The following FSTL4 variants were observed in gnomAD, a reference collection of about 807,000 sequenced individuals.
FSTL4 encodes the protein follistatin-related protein 4.
FSTL4 carries 28 observed loss-of-function variants against 78.2 expected under a neutral mutation model. The ratio of observed to expected loss-of-function variants is 0.36; its 90% confidence interval spans 0.27 to 0.49. The LOEUF is 0.49. FSTL4 is among the 20% of genes least tolerant of loss of function. The probability of loss-of-function intolerance (pLI) is 0.98; values close to 1 mark genes in which losing one functional copy is unlikely to be tolerated. For missense variants in FSTL4, 922 were observed against 1,084.9 expected (o/e 0.85, Z 2.11); for synonymous variants, 422 against 440.5 (o/e 0.96, Z 0.53).
At chr5:133,783,873 C>A in the FSTL4 span, among the ~76,000 whole-genome samples, 1 of 152,016 alleles carries the variant, frequency 6.6e-6, no homozygotes, top group Non-Finnish European at 1.5e-5. Flanking sequence ...TCCACTGCCC[C>A]CGCCCACCCC....
At chr5:133,327,343 A>AT (rs1304531127) in intron 4 of FSTL4, among the ~76,000 whole-genome samples, 1 of 152,178 alleles carries the variant, frequency 6.6e-6, no homozygotes, top group Non-Finnish European at 1.5e-5. Context: ...GGAAAGCTGC[A>AT]TTTTAAGAGT....
chr5:133,420,887 T>C (rs909128384), intron 3 of FSTL4, among the ~76,000 whole-genome samples: 2 of 152,236 alleles, frequency 1.3e-5, no homozygotes. Context: ...TTGTGTTCTA[T>C]ACGAGAAGGG....
intron 14 of FSTL4, among the ~76,000 whole-genome samples, chr5:133,207,102 G>GAGAC (rs1183759834): frequency 7.2e-5 from 11 of 151,950 alleles, no homozygotes; most frequent in African/African-American, 2.7e-4. Flanking sequence ...TTTTTATATG[G>GAGAC]AGACATACTA....
chr5:133,594,969 G>A (rs1426706982), intron 2 of FSTL4, among the ~76,000 whole-genome samples: 1 of 152,178 alleles, frequency 6.6e-6, no homozygotes, highest in African/African-American at 2.4e-5. Context: ...CCTCTGTGAG[G>A]ATGGCTGGCA....
the FSTL4 span, among the ~76,000 whole-genome samples, chr5:133,811,435 G>A: frequency 6.6e-6 from 1 of 152,076 alleles, no homozygotes; most frequent in African/African-American, 2.4e-5. Context: ...CTGAACAAAA[G>A]CTCCCAGCAT....
intron 3 of FSTL4, among the ~76,000 whole-genome samples, chr5:133,483,057 T>C (rs2112860210): frequency 6.6e-6 from 1 of 152,246 alleles, no homozygotes; most frequent in Non-Finnish European, 1.5e-5. Flanking sequence ...GGTAACTGAA[T>C]CATGGGGGCA....
chr5:133,398,558 C>T (rs912444623), intron 4 of FSTL4, among the ~76,000 whole-genome samples: 1 of 152,220 alleles, frequency 6.6e-6, no homozygotes, highest in Non-Finnish European at 1.5e-5. Context: ...TCTCTACTCT[C>T]GGCCTGTGGC....
intron 8 of FSTL4, chr5:133,226,066 TA>T (rs1341418132): frequency 8.5e-6 from 3 of 354,422 alleles, no homozygotes; most frequent in Non-Finnish European, 1.5e-5. Context: ...ATCATTATTC[TA>T]AATACGATCA....
intron 4 of FSTL4, among the ~76,000 whole-genome samples, chr5:133,397,349 ACCT>A (rs1483698706): frequency 6.6e-6 from 1 of 152,170 alleles, no homozygotes; most frequent in Admixed American, 6.5e-5. Context: ...TCTTTCCCAC[ACCT>A]CCTTTTGTCC....
At position 133,261,728 on chromosome 5, in the gene FSTL4, C is replaced by T. The variant is rs188775613; in HGVS notation, c.728-12152G>A. 8.6e-3 allele frequency among the ~76,000 whole-genome samples: 1,315 copies of T among 152,248 alleles called. 22 individuals are homozygous for T. Among genetic ancestry groups the T allele is most frequent in the African/African-American group, 0.03 (1,243 of 41,546 alleles). On this transcript the variant is annotated intron_variant, in intron 6 of 15. Coordinates refer to ENST00000265342, the MANE Select transcript of FSTL4 (RefSeq NM_015082.2). The stretch of plus-strand genomic sequence containing the variant: ...AAAATTAGCTGGATGTGGTGGCACA[C>T]ACCTGTAATCCTAGCACTTTGGGAG...
At chr5:133,496,858 G>C (rs10058012) in intron 3 of FSTL4, among the ~76,000 whole-genome samples, 3,201 of 152,242 alleles carry the variant, frequency 0.021, 120 homozygotes, top group African/African-American at 0.073. Context: ...TCAGCAGCTA[G>C]TCTTGCTCTT....
chr5:133,224,127 G>A (rs763128505), intron 11 of FSTL4, 63 bp downstream of exon 11: 37 of 1,340,252 alleles, frequency 2.8e-5, no homozygotes, highest in African/African-American at 4.3e-5. Context: ...ATGGAAAGAC[G>A]GCCCATCATA....
At chr5:133,394,428 T>G (rs954933583) in intron 4 of FSTL4, among the ~76,000 whole-genome samples, 7 of 152,164 alleles carry the variant, frequency 4.6e-5, no homozygotes, top group African/African-American at 1.4e-4. Flanking sequence ...GGCATGGGCT[T>G]GGTGGGCCCT....
chr5:133,302,553 A>C (rs1056854651), intron 6 of FSTL4, among the ~76,000 whole-genome samples: 1 of 152,152 alleles, frequency 6.6e-6, no homozygotes, highest in African/African-American at 2.4e-5. Context: ...GCTCTGTTAT[A>C]AAGGGTGCTA....
the FSTL4 span, among the ~76,000 whole-genome samples, chr5:133,804,710 C>T: frequency 6.6e-6 from 1 of 152,128 alleles, no homozygotes; most frequent in African/African-American, 2.4e-5. Context: ...CATGTTGGGC[C>T]GAGGCAGGTG....
In FSTL4 at chr5:133,214,334, G is replaced by C. The variant is rs544363911; in HGVS notation, c.1608+2895C>G. ...GATATTATTCAGAGTATGTTCTCTG[G>C]CCAGGGGAATCAATAACAAAGAGGC... On this transcript the variant is annotated intron_variant, in intron 13 of 15. Transcript: ENST00000265342. Among the ~76,000 whole-genome samples the C allele has an allele frequency of 2.0e-4, 30 of 152,274 alleles. 1 individual carries two copies. Among genetic ancestry groups the C allele is most frequent in the South Asian group, 1.2e-3 (6 of 4,826 alleles).
intron 3 of FSTL4, among the ~76,000 whole-genome samples, chr5:133,471,048 T>TATATATATAAA (rs1561730158): frequency 1.5e-3 from 224 of 151,362 alleles, no homozygotes; most frequent in African/African-American, 5.3e-3. Context: ...GAAGGATATA[T>TATATATATAAA]GTCTTTAGGC....
the FSTL4 span, among the ~76,000 whole-genome samples, chr5:133,745,612 A>G: frequency 6.6e-6 from 1 of 152,230 alleles, no homozygotes; most frequent in South Asian, 2.1e-4. Context: ...GGAATTATAC[A>G]GGGATTCCAG....
Position 133,210,274 on chromosome 5 carries a change from C to A in FSTL4, c.1633G>T (p.Ala545Ser). The A allele has an allele frequency of 6.2e-7, 1 of 1,609,248 alleles. No individual in the cohort carries two copies. Among genetic ancestry groups the A allele is most frequent in the Non-Finnish European group, 8.5e-7 (1 of 1,175,826 alleles). Residue 545 changes from alanine (A) to serine (S), a missense_variant, in exon 14 of 16, where the codon GCT becomes TCT. By Grantham distance (99) the Ala-to-Ser change is moderately conservative. Coordinates refer to ENST00000265342, the MANE Select transcript of FSTL4 (RefSeq NM_015082.2). The part of the protein sequence containing the change: ...LQSIGVDPLP[A>S]KLSYDKSHDQ... ...TGTGACTTGTCATAGGACAGCTTAG[C>A]CGGCAGAGGGTCCACACCTATGGAC...
Sources: allele counts gnomAD v4.1 joint callset (sites outside exome capture counted in the v4.1 genomes callset), GRCh38; gene constraint gnomAD v4.1.1; transcripts MANE v1.5; gene names NCBI Gene and HGNC (gene_info 2026-07-23, HGNC 2026-07-21).